The following GNG4 variants were observed in gnomAD, a reference collection of about 807,000 sequenced individuals.
GNG4 encodes the protein guanine nucleotide-binding protein G(I)/G(S)/G(O) subunit gamma-4.
A neutral mutation model predicts 5.8 loss-of-function variants in GNG4; 4 were observed. The ratio of observed to expected loss-of-function variants is 0.69; its 90% CI spans 0.34 to 1.57. GNG4 has a LOEUF of 1.57. Ranked by LOEUF, GNG4 falls within the 40% of genes most tolerant of loss-of-function variation. The pLI is 0.06. For missense variants in GNG4, 96 were observed against 95.1 expected (o/e 1.01, Z -0.04); for synonymous variants, 29 against 32.9 (o/e 0.88, Z 0.41).
intron 1 of GNG4, among the ~76,000 whole-genome samples, chr1:235,628,973 A>G (rs1056517246): frequency 1.3e-5 from 2 of 151,658 alleles, no homozygotes; most frequent in Non-Finnish European, 2.9e-5. Context: ...TGGAAGCGAT[A>G]AAGTCAAACA....
chr1:235,603,660 C>T (rs12141154), intron 1 of GNG4, among the ~76,000 whole-genome samples: 31,158 of 152,166 alleles, frequency 0.2, 3,728 homozygotes, highest in Non-Finnish European at 0.27. Flanking sequence ...CTTGAGTGCC[C>T]GATAGCATCC....
chr1:235,636,165 C>G (rs1162893513), intron 1 of GNG4, among the ~76,000 whole-genome samples: 2 of 152,330 alleles, frequency 1.3e-5, no homozygotes, highest in South Asian at 4.1e-4. Context: ...GCTGTTTTCA[C>G]CGTGCTTCCT....
At chr1:235,599,392 C>T (rs1312702523) in intron 1 of GNG4, among the ~76,000 whole-genome samples, 2 of 151,386 alleles carry the variant, frequency 1.3e-5, no homozygotes, top group Admixed American at 6.6e-5. Flanking sequence ...TCTTGGTTCA[C>T]TGCAACCGCC....
At position 235,636,110 on chromosome 1, in the gene GNG4, G is replaced by A. The variant is rs1689030083; in HGVS notation, c.-123+13552C>T. Among the ~76,000 whole-genome samples, 3 of 152,282 alleles carry A rather than the reference G, an allele frequency of 2.0e-5. No homozygotes were observed. The South Asian group carries it at 6.2e-4, about 32-fold the overall frequency. Reference sequence around the variant, plus strand: ...GCCCAGACTAGTGTAGGGAGGAACTGGCTCTCTCTCTGTAGAGGGAGAATA... The same window carrying A: ...GCCCAGACTAGTGTAGGGAGGAACTAGCTCTCTCTCTGTAGAGGGAGAATA... On this transcript the variant is annotated intron_variant, in intron 1 of 3. Transcript: ENST00000391854.
intron 1 of GNG4, among the ~76,000 whole-genome samples, chr1:235,645,613 C>T (rs113374409): frequency 3.3e-5 from 5 of 152,058 alleles, no homozygotes; most frequent in African/African-American, 1.2e-4. Flanking sequence ...GCCTGACCAA[C>T]GTGGAGAAAC....
chr1:235,640,923 G>A (rs570679533), intron 1 of GNG4, among the ~76,000 whole-genome samples: 3 of 152,388 alleles, frequency 2.0e-5, no homozygotes, highest in South Asian at 2.1e-4. Context: ...CCACTTTGGA[G>A]TGAGAAGGGG....
intron 2 of GNG4, among the ~76,000 whole-genome samples, chr1:235,592,926 G>A (rs1688011975): frequency 6.7e-6 from 1 of 149,538 alleles, no homozygotes; most frequent in African/African-American, 2.5e-5. Context: ...TGGGCAAGCA[G>A]ACCCCGGTTT....
chr1:235,637,571 T>C (rs911240241), intron 1 of GNG4, among the ~76,000 whole-genome samples: 1 of 151,330 alleles, frequency 6.6e-6, no homozygotes, highest in African/African-American at 2.4e-5. Context: ...TGAGAATCGC[T>C]TGAACCTGGG....
At chr1:235,588,870 T>C (rs1687892670) in intron 2 of GNG4, 1 of 152,532 alleles carries the variant, frequency 6.6e-6, no homozygotes, top group Non-Finnish European at 1.5e-5. Flanking sequence ...CATCCTTGCC[T>C]CCACTCAGGG....
intron 2 of GNG4, among the ~76,000 whole-genome samples, chr1:235,587,576 G>GTTT (rs1687829143): frequency 1.2e-5 from 1 of 81,800 alleles, no homozygotes; most frequent in Non-Finnish European, 2.3e-5. Context: ...GAGGGTGTGG[G>GTTT]GTGGCGGTGA....
rs1194355578 is a variant in GNG4 at position 235,614,132 on chromosome 1, G to T, written c.-122-18621C>A. On this transcript the variant is annotated intron_variant, in intron 1 of 3. Coordinates refer to ENST00000391854, the MANE Select transcript of GNG4 (RefSeq NM_001098722.2). ...CTGGCCTAGATTCTCCATTTCTTCT[G>T]TGTGATCTTTGGTTGTTTGTGTTTT... Among the ~76,000 whole-genome samples the T allele has an allele frequency of 3.3e-5, 5 of 152,186 alleles. No homozygotes were observed. The East Asian group carries it at 9.6e-4, about 29-fold the overall frequency.
chr1:235,603,621 A>T (rs1014013153), intron 1 of GNG4, among the ~76,000 whole-genome samples: 2 of 152,208 alleles, frequency 1.3e-5, no homozygotes, highest in Admixed American at 1.3e-4. Context: ...TACATTTTAC[A>T]GTATGGGTCT....
rs1553365401 is a variant in GNG4 at position 235,570,919 on chromosome 1, T to TATATATACAC, written c.99+12820_99+12821insGTGTATATAT. On this transcript the variant is annotated intron_variant, in intron 3 of 3. Coordinates refer to ENST00000391854, the MANE Select transcript of GNG4 (RefSeq NM_001098722.2). The stretch of plus-strand genomic sequence containing the variant: ...ATATGTGTGTGTGTGTATACATATA[T>TATATATACAC]ATATACACACACACACACACACACA... Among the ~76,000 whole-genome samples, 373 of 121,422 alleles carry TATATATACAC rather than the reference T, an allele frequency of 3.1e-3. 3 individuals carry two copies. Among genetic ancestry groups the TATATATACAC allele is most frequent in the Non-Finnish European group, 4.8e-3 (304 of 63,312 alleles). 79.7% of individuals were successfully genotyped at this position (121,422 alleles called of 152,430 possible).
chr1:235,636,903 G>A (rs1028127442), intron 1 of GNG4, among the ~76,000 whole-genome samples: 2 of 151,832 alleles, frequency 1.3e-5, no homozygotes, highest in Admixed American at 6.6e-5. Flanking sequence ...TGTGGAGTTC[G>A]AGTGGAAGCC....
Position 235,644,757 on chromosome 1 carries a change from T to A in GNG4, c.-123+4905A>T, listed in dbSNP as rs1327931927. On this transcript the variant is annotated intron_variant, in intron 1 of 3. Transcript: ENST00000391854. The surrounding 1 kb of genome is among the most constrained non-coding windows in gnomAD (Gnocchi z 5.9). The stretch of plus-strand genomic sequence containing the variant: ...CAGGCTAGGGGCAGCGGAAAGGCCC[T>A]GCTGGAAATTTCCATCCAGGGTCTG... 6.6e-6 allele frequency among the ~76,000 whole-genome samples: 1 copy of A among 152,222 alleles called. No homozygotes were observed. The highest frequency in any genetic ancestry group is 6.5e-5 in the Admixed American group (1 of 15,292).
At chr1:235,581,891 G>A (rs867325057) in intron 3 of GNG4, among the ~76,000 whole-genome samples, 22 of 152,176 alleles carry the variant, frequency 1.4e-4, no homozygotes, top group African/African-American at 4.6e-4. Flanking sequence ...GGGCTCCTGG[G>A]GCGGTGTCTG....
chr1:235,559,670 G>A (rs569528109), intron 3 of GNG4, among the ~76,000 whole-genome samples: 1 of 152,206 alleles, frequency 6.6e-6, no homozygotes, highest in Non-Finnish European at 1.5e-5. Context: ...GGTTATACCT[G>A]AAGGTGGAAA....
chr1:235,641,893 G>A (rs1657339560), intron 1 of GNG4, among the ~76,000 whole-genome samples: 1 of 152,076 alleles, frequency 6.6e-6, no homozygotes, highest in Admixed American at 6.5e-5. Flanking sequence ...TTTCTCTCAT[G>A]CACTTACTAT....
At chr1:235,562,671 A>AAG in intron 3 of GNG4, among the ~76,000 whole-genome samples, 1 of 147,600 alleles carries the variant, frequency 6.8e-6, no homozygotes, top group East Asian at 1.9e-4. Context: ...AAAAAAAAAA[A>AAG]AGAAAAAAAA....
Sources: gnomAD v4.1 joint callset for allele counts (sites outside exome capture counted in the v4.1 genomes callset) on GRCh38, gnomAD v4.1.1 for gene constraint, Gnocchi (gnomAD v3.1) non-coding constraint, MANE v1.5 for transcripts, NCBI Gene and HGNC (gene_info 2026-07-23, HGNC 2026-07-21) for gene names.